PPM1B: variants seen among roughly 807,000 people sequenced by gnomAD.
PPM1B encodes the protein protein phosphatase 1B.
A neutral mutation model predicts 43.0 loss-of-function variants in PPM1B; 22 were observed. That is an observed-to-expected ratio of 0.51 (90% confidence interval 0.37 to 0.73). PPM1B has a LOEUF of 0.73. Ranked by LOEUF, PPM1B falls within the 30% of genes least tolerant of loss-of-function variation. PPM1B has a pLI of 0.00. For missense variants in PPM1B, 632 were observed against 584.2 expected (o/e 1.08, Z -0.84); for synonymous variants, 217 against 197.9 (o/e 1.10, Z -0.81).
Position 44,231,053 on chromosome 2 carries a change from A to G in PPM1B, c.*335A>G, listed in dbSNP as rs1333410947. ...GAGAGATTATGCTATATTATGGAAA[A>G]ACTTGTTAATGTAGAATTATACTGC... is the stretch of plus-strand genomic sequence containing the variant. On this transcript the variant is annotated 3_prime_UTR_variant, in exon 6 of 6. Transcript: ENST00000282412. 66 of 918,712 alleles carry G rather than the reference A, an allele frequency of 7.2e-5. No individual in the cohort carries two copies. The highest frequency in any genetic ancestry group is 8.2e-5 in the Non-Finnish European group (63 of 763,792). The allele number at this position is 918,712 out of a possible 1,614,324, so 56.9% of individuals were successfully genotyped here. A position where few individuals can be genotyped will look rare whatever the true frequency, so the allele number is the denominator to read the frequency against.
In PPM1B at chr2:44,218,012, A is replaced by G. The variant is rs1187216964; in HGVS notation, c.1010A>G (p.His337Arg). 4 of 1,611,672 alleles carry G rather than the reference A, an allele frequency of 2.5e-6. No homozygotes were observed. Among genetic ancestry groups the G allele is most frequent in the East Asian group, 4.5e-5 (2 of 44,806 alleles). ...GAGGAAGGAATGCCTGATCTTGCCC[A>G]TGTCATGCGCATCTTGTCTGCAGAA... Reference protein sequence around the residue: ...SGEEGMPDLAHVMRILSAENI... With the variant: ...SGEEGMPDLARVMRILSAENI... Residue 337 changes from histidine to arginine, a missense_variant, in exon 4 of 6, where the codon CAT (histidine) becomes CGT (arginine). His to Arg is a conservative substitution (Grantham distance 29). Around this residue, in one of 3 missense-constraint regions of PPM1B, gnomAD observed 392 missense variants for 302.7 expected, o/e 1.29. Coordinates refer to ENST00000282412, the MANE Select transcript of PPM1B (RefSeq NM_002706.6).
chr2:44,181,259 T>A (rs1189013032), intron 1 of PPM1B, among the ~76,000 whole-genome samples: 1 of 152,132 alleles, frequency 6.6e-6, no homozygotes, highest in South Asian at 2.1e-4. Flanking sequence ...TAGGAAATAT[T>A]ATTTCACAGG....
intron 3 of PPM1B, chr2:44,213,809 TATC>T (rs1338845825): frequency 7.9e-5 from 12 of 152,316 alleles, no homozygotes; most frequent in African/African-American, 2.4e-4. Context: ...CTATTGATAA[TATC>T]ATTAAGAGGA....
chr2:44,196,397 C>G (rs1347946402), intron 1 of PPM1B, among the ~76,000 whole-genome samples: 1 of 152,124 alleles, frequency 6.6e-6, no homozygotes, highest in Non-Finnish European at 1.5e-5. Context: ...GGAGGAAGAC[C>G]ACTGAGGTAA....
intron 2 of PPM1B, among the ~76,000 whole-genome samples, chr2:44,205,543 A>T (rs879819413): frequency 1.3e-5 from 2 of 152,110 alleles, no homozygotes; most frequent in African/African-American, 4.8e-5. Flanking sequence ...ACCACTGCTC[A>T]TGGTTTGCTG....
exon 6 of PPM1B, chr2:44,244,372 T>C: frequency 7.4e-7 from 1 of 1,351,546 alleles, no homozygotes; most frequent in Non-Finnish European, 9.9e-7. Flanking sequence ...AAACCCAGCA[T>C]TATATAATTA....
intron 1 of PPM1B, among the ~76,000 whole-genome samples, chr2:44,197,870 T>A (rs973417222): frequency 6.6e-6 from 1 of 152,162 alleles, no homozygotes; most frequent in Admixed American, 6.5e-5. Context: ...GCCTGACATA[T>A]AGAACTCATT....
intron 1 of PPM1B, among the ~76,000 whole-genome samples, chr2:44,195,436 C>G (rs994873646): frequency 1.3e-5 from 2 of 151,962 alleles, no homozygotes; most frequent in African/African-American, 2.4e-5. Context: ...GTCTTGAACT[C>G]CTGGCCTCCA....
chr2:44,238,957 C>T (rs769418066), downstream of PPM1B, among the ~76,000 whole-genome samples: 5 of 151,306 alleles, frequency 3.3e-5, no homozygotes, highest in Non-Finnish European at 7.4e-5. Flanking sequence ...ACTAAAAATC[C>T]TAACTGAAAA....
intron 1 of PPM1B, among the ~76,000 whole-genome samples, chr2:44,182,159 G>C (rs967339623): frequency 6.6e-6 from 1 of 152,136 alleles, no homozygotes; most frequent in Non-Finnish European, 1.5e-5. Context: ...TGGTGTTTTG[G>C]GTTCTGAAAT....
At chr2:44,218,173 C>G (rs1244249381) in intron 4 of PPM1B, 95 bp downstream of exon 4, 16 of 920,954 alleles carry the variant, frequency 1.7e-5, no homozygotes, top group Non-Finnish European at 1.4e-5. Flanking sequence ...CATCAATTAT[C>G]TAGAGGTGAA....
chr2:44,231,307 C>G lies in PPM1B; in HGVS notation c.*589C>G, dbSNP rs935275654. ...TGGCTATTTTTCCTTTCTCTGTATT[C>G]TTTATGAAACATAACTTTTGAAAAA... On this transcript the variant is annotated 3_prime_UTR_variant, in exon 6 of 6. Coordinates refer to ENST00000282412, the MANE Select transcript of PPM1B (RefSeq NM_002706.6). 4.0e-5 allele frequency: 39 copies of G among 979,708 alleles called. No individual in the cohort carries two copies. Among genetic ancestry groups the G allele is most frequent in the Non-Finnish European group, 4.7e-5 (39 of 825,012 alleles). The allele number at this position is 979,708 out of a possible 1,614,324, so 60.7% of individuals were successfully genotyped here. A position where few individuals can be genotyped will look rare whatever the true frequency, so the allele number is the denominator to read the frequency against.
At chr2:44,217,112 G>A (rs1436995031) in intron 3 of PPM1B, among the ~76,000 whole-genome samples, 2 of 148,660 alleles carry the variant, frequency 1.3e-5, no homozygotes, top group Non-Finnish European at 3.0e-5. Flanking sequence ...TTGAAAGTAA[G>A]GCCTGGGCTG....
chr2:44,206,491 C>G (rs1332982847), intron 2 of PPM1B, among the ~76,000 whole-genome samples: 1 of 152,142 alleles, frequency 6.6e-6, no homozygotes, highest in East Asian at 1.9e-4. Context: ...CCTTAAATGT[C>G]TTTGGAGAAC....
At chr2:44,223,718 G>A (rs565670691) in intron 5 of PPM1B, among the ~76,000 whole-genome samples, 7 of 149,640 alleles carry the variant, frequency 4.7e-5, no homozygotes, top group Middle Eastern at 3.5e-3. Context: ...CGGGAGGTTG[G>A]GGCAGGAGAA....
chr2:44,183,541 C>T (rs1330473006), intron 1 of PPM1B, among the ~76,000 whole-genome samples: 1 of 152,122 alleles, frequency 6.6e-6, no homozygotes, highest in African/African-American at 2.4e-5. Context: ...CCAGAGGAAG[C>T]CAAAAGGCCT....
intron 5 of PPM1B, among the ~76,000 whole-genome samples, chr2:44,225,701 G>C (rs948716751): frequency 1.3e-5 from 2 of 152,106 alleles, no homozygotes; most frequent in Non-Finnish European, 2.9e-5. Flanking sequence ...CTGTCACCGA[G>C]GCTGTAATGC....
intron 5 of PPM1B, chr2:44,229,955 C>G: frequency 1.3e-6 from 2 of 1,487,970 alleles, no homozygotes; most frequent in Non-Finnish European, 1.8e-6. Context: ...CTGTTTAAAT[C>G]TATATAGTTT....
intron 2 of PPM1B, among the ~76,000 whole-genome samples, chr2:44,205,097 A>T (rs568982365): frequency 6.6e-6 from 1 of 152,300 alleles, no homozygotes; most frequent in South Asian, 2.1e-4. Flanking sequence ...CCACGTGCAT[A>T]GCTTTTCATA....
Sources: gnomAD v4.1 joint callset for allele counts (sites outside exome capture counted in the v4.1 genomes callset) on GRCh38, gnomAD v4.1.1 for gene constraint, gnomAD v4.1.1 regional missense constraint, MANE v1.5 for transcripts, NCBI Gene and HGNC (gene_info 2026-07-23, HGNC 2026-07-21) for gene names.